Variants in ZBTB46 observed in about 807,000 individuals in gnomAD.
The protein encoded by ZBTB46 is zinc finger and BTB domain containing 46.
Under a neutral mutation model 44.1 loss-of-function variants are expected in ZBTB46, and 8 were observed. The observed-to-expected ratio is 0.18, with a 90% confidence interval of 0.11 to 0.33. The LOEUF (loss-of-function observed/expected upper bound fraction) is 0.33. Among genes scored for constraint, ZBTB46 ranks in the 10% least tolerant of loss-of-function variants. ZBTB46 has a pLI of 1.00. For synonymous variants in ZBTB46, 409 were observed against 382.3 expected (o/e 1.07, Z -0.81); for missense variants, 651 against 847.7 (o/e 0.77, Z 2.88).
intron 1 of ZBTB46, 110 bp from the exon 2 acceptor site, chr20:63,790,900 G>T: frequency 7.1e-7 from 1 of 1,411,778 alleles, no homozygotes; most frequent in Non-Finnish European, 9.3e-7. Context: ...GCCAGTGGGA[G>T]GACGACCCAC....
At chr20:63,784,943 A>G (rs914672139) in intron 2 of ZBTB46, among the ~76,000 whole-genome samples, 1 of 152,156 alleles carries the variant, frequency 6.6e-6, no homozygotes, top group Non-Finnish European at 1.5e-5. Flanking sequence ...CTTAGAAAAG[A>G]GACTTTGTGG....
intron 1 of ZBTB46, among the ~76,000 whole-genome samples, chr20:63,820,806 G>T (rs2092787610): frequency 6.6e-6 from 1 of 151,436 alleles, no homozygotes; most frequent in Non-Finnish European, 1.5e-5. Context: ...TCGGCTCACT[G>T]CAATCTCTGC....
intron 3 of ZBTB46, among the ~76,000 whole-genome samples, chr20:63,771,441 C>T (rs1471294106): frequency 6.6e-6 from 1 of 152,154 alleles, no homozygotes; most frequent in Non-Finnish European, 1.5e-5. Context: ...CGCTCCCGCA[C>T]GGTGTTGAGA....
At position 63,744,009 on chromosome 20, in the gene ZBTB46, G is replaced by A. The variant is rs1190301783; in HGVS notation, c.*2921C>T. The A allele has an allele frequency of 6.6e-6, 1 of 151,946 alleles. No homozygotes were observed. Among genetic ancestry groups the A allele is most frequent in the Non-Finnish European group, 1.5e-5 (1 of 68,022 alleles). The allele number at this position is 151,946 out of a possible 1,614,324, so 9.4% of individuals were successfully genotyped here. On this transcript the variant is annotated 3_prime_UTR_variant, in exon 5 of 5. Coordinates refer to ENST00000245663, the MANE Select transcript of ZBTB46 (RefSeq NM_001369741.1). ...TTTGTGTGTTTTGTTTTTGTTGACA[G>A]GTTGAAAGCATGTTGAAAAAAATAA...
chr20:63,813,323 C>T (rs2092728468), intron 1 of ZBTB46, among the ~76,000 whole-genome samples: 1 of 151,872 alleles, frequency 6.6e-6, no homozygotes, highest in African/African-American at 2.4e-5. Flanking sequence ...GTGGAGCGCG[C>T]CTGTAATCCC....
At chr20:63,776,176 C>T (rs993386990) in intron 2 of ZBTB46, among the ~76,000 whole-genome samples, 4 of 152,236 alleles carry the variant, frequency 2.6e-5, no homozygotes, top group African/African-American at 9.6e-5. Context: ...CCCATGGCTG[C>T]GGTGGAGTCT....
intron 3 of ZBTB46, among the ~76,000 whole-genome samples, chr20:63,765,122 T>C (rs957975435): frequency 1.3e-4 from 19 of 150,656 alleles, no homozygotes; most frequent in East Asian, 1.2e-3. Context: ...TGTGTGTGCG[T>C]GTGTGTGTGT....
chr20:63,759,714 G>A (rs901511704), intron 3 of ZBTB46, among the ~76,000 whole-genome samples: 1 of 152,158 alleles, frequency 6.6e-6, no homozygotes, highest in African/African-American at 2.4e-5. Flanking sequence ...GGGCGTCTGT[G>A]TATCGTTCCC....
At chr20:63,829,154 A>T (rs1010645455) in intron 1 of ZBTB46, among the ~76,000 whole-genome samples, 1 of 152,096 alleles carries the variant, frequency 6.6e-6, no homozygotes, top group Admixed American at 6.5e-5. Flanking sequence ...GGGGCTGGGG[A>T]GGGACGGAGG....
intron 2 of ZBTB46, among the ~76,000 whole-genome samples, chr20:63,782,382 G>A (rs556428901): frequency 6.6e-6 from 1 of 152,136 alleles, no homozygotes; most frequent in Admixed American, 6.5e-5. Flanking sequence ...GAATGATGTC[G>A]GGCCACGAGC....
At chr20:63,790,944 C>A in intron 1 of ZBTB46, 154 bp from the exon 2 acceptor site, 1 of 1,106,158 alleles carries the variant, frequency 9.0e-7, no homozygotes, top group South Asian at 1.7e-5. Context: ...CAGCGGGAGG[C>A]CTGTGTCTCC....
intron 1 of ZBTB46, among the ~76,000 whole-genome samples, chr20:63,830,095 G>A (rs2092840130): frequency 6.6e-6 from 1 of 152,222 alleles, no homozygotes; most frequent in Non-Finnish European, 1.5e-5. Context: ...ACTTTCTTTT[G>A]TTTATATTTC....
intron 3 of ZBTB46, among the ~76,000 whole-genome samples, chr20:63,763,490 C>T (rs1305306870): frequency 6.6e-6 from 1 of 152,082 alleles, no homozygotes; most frequent in Non-Finnish European, 1.5e-5. Context: ...GAAGAGGGAG[C>T]GAGCGTTTCA....
intron 1 of ZBTB46, among the ~76,000 whole-genome samples, chr20:63,830,485 C>G (rs1405956714): frequency 2.0e-5 from 3 of 150,724 alleles, no homozygotes; most frequent in Non-Finnish European, 4.4e-5. Flanking sequence ...AGATGGAGAC[C>G]AGGCCGGCGC....
chr20:63,778,602 G>T (rs1050987506), intron 2 of ZBTB46, among the ~76,000 whole-genome samples: 1 of 152,230 alleles, frequency 6.6e-6, no homozygotes, highest in Non-Finnish European at 1.5e-5. Flanking sequence ...AGCACACGGG[G>T]TGAGTCCAGC....
chr20:63,813,074 G>C (rs1249786020), intron 1 of ZBTB46, among the ~76,000 whole-genome samples: 1 of 113,882 alleles, frequency 8.8e-6, no homozygotes, highest in African/African-American at 5.1e-5. Flanking sequence ...CTCCAGCCTG[G>C]TGAGAGTGAG....
At chr20:63,795,500 T>A (rs2092596542) in intron 1 of ZBTB46, among the ~76,000 whole-genome samples, 2 of 152,250 alleles carry the variant, frequency 1.3e-5, no homozygotes, top group African/African-American at 4.8e-5. Flanking sequence ...ACTGTGCTTT[T>A]GGGGGCTATT....
At chr20:63,786,121 C>G (rs1030674513) in intron 2 of ZBTB46, among the ~76,000 whole-genome samples, 6 of 152,204 alleles carry the variant, frequency 3.9e-5, no homozygotes, top group Non-Finnish European at 7.3e-5. Flanking sequence ...ACAACGGACC[C>G]TGCAGCGCAT....
intron 3 of ZBTB46, among the ~76,000 whole-genome samples, chr20:63,758,614 A>G (rs959816590): frequency 6.6e-6 from 1 of 152,102 alleles, no homozygotes; most frequent in Non-Finnish European, 1.5e-5. Flanking sequence ...TTGCATCTCC[A>G]AATATATTTA....
Sources: gnomAD v4.1 joint callset for allele counts (sites outside exome capture counted in the v4.1 genomes callset) on GRCh38, gnomAD v4.1.1 for gene constraint, MANE v1.5 for transcripts, NCBI Gene and HGNC (gene_info 2026-07-23, HGNC 2026-07-21) for gene names.